Variants in REV3L observed in about 807,000 individuals in gnomAD.
REV3L encodes REV3 like, DNA directed polymerase zeta catalytic subunit.
REV3L carries 69 observed loss-of-function variants against 299.4 expected under a neutral mutation model. The ratio of observed to expected loss-of-function variants is 0.23; its 90% CI spans 0.19 to 0.28. The LOEUF (loss-of-function observed/expected upper bound fraction) is 0.28, where lower values mean the gene tolerates loss of function less well. REV3L is among the 10% of genes least tolerant of loss of function. REV3L has a pLI of 1.00. For missense variants in REV3L, 3,128 were observed against 3,693.8 expected (o/e 0.85, Z 3.97); for synonymous variants, 1,238 against 1,271.4 (o/e 0.97, Z 0.56).
At chr6:111,332,124 T>C (rs926605351) in intron 23 of REV3L, among the ~76,000 whole-genome samples, 1 of 152,154 alleles carries the variant, frequency 6.6e-6, no homozygotes, top group Non-Finnish European at 1.5e-5. Context: ...CAGGCTGGAG[T>C]GCAGTGGCGC....
Position 111,315,516 on chromosome 6 carries a change from GCTTT to G in REV3L, c.8352-139_8352-136del, listed in dbSNP as rs1773424689. On this transcript the variant is annotated intron_variant, in intron 26 of 31. Coordinates refer to ENST00000368802, the MANE Select transcript of REV3L (RefSeq NM_001372078.1). ...CTTTCTCCTATTTACTCTTTAAGATGCTTTCTATGTAAGCTCTCCTGTTTTATTA... is the reference window on the plus strand; with the variant it reads ...CTTTCTCCTATTTACTCTTTAAGATGCTATGTAAGCTCTCCTGTTTTATTA... 1.4e-5 allele frequency: 9 copies of G among 622,868 alleles called. No individual in the cohort carries two copies. In the South Asian group the frequency reaches 1.8e-4, roughly 13 times the overall value. 38.6% of individuals were successfully genotyped at this position (622,868 alleles called of 1,614,324 possible).
In REV3L at chr6:111,374,775, G is replaced by A. The variant is rs1417729268; in HGVS notation, c.3580C>T (p.Arg1194Ter). 3.7e-6 allele frequency: 6 copies of A among 1,611,520 alleles called. No homozygotes were observed. The highest frequency in any genetic ancestry group is 1.3e-5 in the African/African-American group (1 of 74,564). ...PSIVTKKRNK[R>*]NQTNKLVDDG... is the part of the protein sequence containing the mutation. ...TCTACTAGTTTATTTGTCTGATTTC[G>A]TTTGTTCCTTTTCTTAGTAACTATA... is the stretch of plus-strand genomic sequence containing the variant. The change falls in exon 13 of 32, where the codon CGA (arginine) becomes TGA (stop). Residue 1194 changes from arginine (R) to a stop codon, truncating the protein, a stop_gained. Transcript: ENST00000368802. LOFTEE classifies it high-confidence loss of function.
chr6:111,349,473 T>G (rs1777369377), intron 19 of REV3L, 137 bp from the exon 20 acceptor site: 1 of 461,972 alleles, frequency 2.2e-6, no homozygotes, highest in Non-Finnish European at 3.8e-6. Context: ...GAAAAAATTT[T>G]GTGAAATAAA....
At chr6:111,391,229 T>C (rs1781897409) in intron 5 of REV3L, among the ~76,000 whole-genome samples, 2 of 151,738 alleles carry the variant, frequency 1.3e-5, no homozygotes, top group African/African-American at 4.8e-5. Flanking sequence ...TCATGCAGAG[T>C]TAATTTTTGT....
intron 30 of REV3L, 163 bp downstream of exon 30, chr6:111,309,690 C>G: frequency 1.4e-6 from 1 of 694,336 alleles, no homozygotes; most frequent in Admixed American, 3.5e-5. Flanking sequence ...CCACCTTTCT[C>G]TACCCAGCAC....
chr6:111,411,657 C>A, intron 2 of REV3L, 103 bp from the exon 3 acceptor site: 2 of 743,648 alleles, frequency 2.7e-6, no homozygotes, highest in Non-Finnish European at 4.4e-6. Context: ...TTCAGTCTTA[C>A]GTTTAATATT....
At chr6:111,458,591 A>G (rs1790412796) in intron 1 of REV3L, among the ~76,000 whole-genome samples, 1 of 152,124 alleles carries the variant, frequency 6.6e-6, no homozygotes, top group Admixed American at 6.6e-5. Flanking sequence ...AAGTTTTAGG[A>G]TACAAAAATC....
rs3218583 is a variant in REV3L, at chr6:111,357,188, A to G, written c.7073-63T>C. 7.2e-4 allele frequency: 391 copies of G among 544,400 alleles called. 2 individuals are homozygous for G. Among genetic ancestry groups the G allele is most frequent in the African/African-American group, 7.1e-3 (358 of 50,470 alleles). 33.7% of individuals were successfully genotyped at this position (544,400 alleles called of 1,614,324 possible). ...ATATAATAATATACCTTCATAATAT[A>G]AAAGTAATATTATCCTCTACTTTTA... On this transcript the variant is annotated intron_variant, in intron 17 of 31. Coordinates refer to ENST00000368802, the MANE Select transcript of REV3L (RefSeq NM_001372078.1).
At chr6:111,424,971 A>G (rs890577758) in intron 1 of REV3L, among the ~76,000 whole-genome samples, 1 of 152,206 alleles carries the variant, frequency 6.6e-6, no homozygotes, top group African/African-American at 2.4e-5. Context: ...GGGAATTTAG[A>G]AGGCCATAAG....
intron 6 of REV3L, 27 bp from the exon 7 acceptor site, chr6:111,389,237 T>C: frequency 6.6e-7 from 1 of 1,521,992 alleles, no homozygotes; most frequent in Non-Finnish European, 9.0e-7. Context: ...ACTTCAATAC[T>C]ACAGGGTCAA....
chr6:111,370,335 T>C (rs1028361498), intron 13 of REV3L, among the ~76,000 whole-genome samples: 1 of 152,052 alleles, frequency 6.6e-6, no homozygotes, highest in African/African-American at 2.4e-5. Context: ...AAAGAACAGA[T>C]TTCATATGCT....
chr6:111,473,229 T>TA (rs1792466000), intron 1 of REV3L, among the ~76,000 whole-genome samples: 1 of 36,220 alleles, frequency 2.8e-5, no homozygotes, highest in South Asian at 1.8e-3. Context: ...CACTTAGATT[T>TA]TTTTTTTTTT....
chr6:111,373,654 A>T lies in REV3L; in HGVS notation c.4701T>A (p.His1567Gln), dbSNP rs769634899. The change falls in exon 13 of 32, where the codon CAT becomes CAA. Residue 1567 changes from histidine to glutamine, a missense_variant. By Grantham distance (24) the His-to-Gln change is conservative. This residue lies in a region of REV3L where 2,409 missense variants were observed against 2,611.8 expected (regional missense o/e 0.92). Transcript: ENST00000368802. The stretch of plus-strand genomic sequence containing the variant: ...ATCGTGTCCGTTTATTTGCTTTGTT[A>T]TGCTCAAGGGAACCAGAAATATTTT... ...PNKNISGSLE[H>Q]NKANKRTRSV... 6.2e-7 allele frequency: 1 copy of T among 1,614,014 alleles called. No homozygotes were observed. The highest frequency in any genetic ancestry group is 1.1e-5 in the South Asian group (1 of 91,078).
intron 30 of REV3L, 102 bp from the exon 31 acceptor site, chr6:111,307,672 C>A (rs959321877): frequency 2.9e-6 from 3 of 1,036,392 alleles, no homozygotes; most frequent in East Asian, 5.1e-5. Flanking sequence ...TTCATTCGTT[C>A]ATTCACTCAT....
chr6:111,402,280 T>A (rs1397147080), intron 4 of REV3L, among the ~76,000 whole-genome samples: 2 of 151,828 alleles, frequency 1.3e-5, no homozygotes, highest in Non-Finnish European at 2.9e-5. Context: ...GAAAAAAAAA[T>A]GTCTGAAGTA....
chr6:111,460,209 CAA>C (rs1790595808), intron 1 of REV3L: 1 of 151,906 alleles, frequency 6.6e-6, no homozygotes, highest in African/African-American at 2.4e-5. Flanking sequence ...AAGTGGCAGC[CAA>C]ACCATGAGTA....
intron 1 of REV3L, among the ~76,000 whole-genome samples, chr6:111,434,907 T>G (rs542262423): frequency 1.3e-5 from 2 of 152,226 alleles, no homozygotes; most frequent in South Asian, 4.1e-4. Context: ...GAACCAATAT[T>G]GTTAAAGTAA....
rs969897132 is a variant in REV3L at position 111,349,931 on chromosome 6, G to A, written c.7301-595C>T. 5.3e-5 allele frequency among the ~76,000 whole-genome samples: 8 copies of A among 152,258 alleles called. No individual in the cohort carries two copies. The South Asian group carries it at 8.3e-4, about 16-fold the overall frequency. ...TGAAGAGTTCCTCATAGCAAATAGC[G>A]TTGTGAGTCTAGTTTCTTAGGAGAT... On this transcript the variant is annotated intron_variant, in intron 19 of 31. Coordinates refer to ENST00000368802, the MANE Select transcript of REV3L (RefSeq NM_001372078.1).
chr6:111,413,704 T>C (rs1039944011), intron 2 of REV3L, among the ~76,000 whole-genome samples: 3 of 151,622 alleles, frequency 2.0e-5, no homozygotes, highest in African/African-American at 7.3e-5. Flanking sequence ...ACCAAAAAAT[T>C]AGAAGAAAAA....
Sources: allele counts gnomAD v4.1 joint callset (sites outside exome capture counted in the v4.1 genomes callset), GRCh38; gene constraint gnomAD v4.1.1; regional missense constraint gnomAD v4.1.1; transcripts MANE v1.5; gene names NCBI Gene and HGNC (gene_info 2026-07-23, HGNC 2026-07-21).